JAG2: variants seen among roughly 807,000 people sequenced by gnomAD.
JAG2 encodes the protein jagged canonical Notch ligand 2, also known as protein jagged-2.
In JAG2, 46 loss-of-function variants were observed where a neutral mutation model predicts 141.7. The ratio of observed to expected loss-of-function variants is 0.32; its 90% CI spans 0.26 to 0.42. The LOEUF is 0.42. Ranked by LOEUF, JAG2 falls within the 10% of genes least tolerant of loss-of-function variation. The probability of loss-of-function intolerance (pLI) is 1.00; values close to 1 mark genes in which losing one functional copy is unlikely to be tolerated. For synonymous variants in JAG2, 862 were observed against 763.5 expected (o/e 1.13, Z -2.13); for missense variants, 1,500 against 1,817.5 (o/e 0.83, Z 3.18).
In JAG2 at chr14:105,143,556, C is replaced by T. The variant is rs376433872; in HGVS notation, c.3167G>A (p.Arg1056Gln). ...AGCCAGGAGCAGTGAGCTGTTCCCC[C>T]GCTGGGTGATGGCGGCCACGATGGC... ...AHAIVAAITQ[R>Q]GNSSLLLAVT... Residue 1056 changes from arginine (R) to glutamine (Q), a missense_variant, in exon 25 of 26, where the codon CGG becomes CAG. Coordinates refer to ENST00000331782, the MANE Select transcript of JAG2 (RefSeq NM_002226.5). 5.0e-6 allele frequency: 8 copies of T among 1,599,248 alleles called. No homozygotes were observed. The highest frequency in any genetic ancestry group is 2.3e-5 in the South Asian group (2 of 88,536).
At chr14:105,150,952 G>A in intron 10 of JAG2, 39 bp downstream of exon 10, 1 of 1,594,960 alleles carries the variant, frequency 6.3e-7, no homozygotes, top group Non-Finnish European at 8.5e-7. Context: ...GGTCCCATGT[G>A]CCTCGGCCCA....
chr14:105,152,101 G>A (rs761359388), intron 6 of JAG2, 44 bp from the exon 7 acceptor site: 17 of 1,613,158 alleles, frequency 1.1e-5, no homozygotes, highest in African/African-American at 2.7e-5. Context: ...CCGGCCCCCC[G>A]CTCCCCCACA....
chr14:105,165,869 C>G (rs1202507947), intron 2 of JAG2, among the ~76,000 whole-genome samples: 3 of 152,274 alleles, frequency 2.0e-5, no homozygotes, highest in African/African-American at 7.2e-5. Flanking sequence ...GCCTTCCCAT[C>G]ACAGCCAAGT....
chr14:105,157,636 G>A (rs1027802898), intron 3 of JAG2, 70 bp downstream of exon 3: 9 of 1,340,898 alleles, frequency 6.7e-6, no homozygotes, highest in Non-Finnish European at 8.3e-6. Flanking sequence ...CAAGCAGACA[G>A]AGGAGCTGGG....
At position 105,146,430 on chromosome 14, in the gene JAG2, G is replaced by A. The variant is rs1025801059; in HGVS notation, c.2664C>T (p.Asp888=). 4 of 1,612,632 alleles carry A rather than the reference G, an allele frequency of 2.5e-6. No individual in the cohort carries two copies. In the African/African-American group the frequency reaches 4.0e-5, roughly 16 times the overall value. Residue 888 remains aspartate (D), a synonymous_variant, in exon 22 of 26, where the codon GAC becomes GAT. Coordinates refer to ENST00000331782, the MANE Select transcript of JAG2 (RefSeq NM_002226.5). ...PFPHGSSWVE[D]CNSCRCLDGR... ...CATCCAGGCAGCGGCAGCTGTTGCA[G>A]TCTTCCACCCAGGAGCTTCCGTGTG... is the stretch of plus-strand genomic sequence containing the variant.
At position 105,147,329 on chromosome 14, in the gene JAG2, T is replaced by C. The variant is rs1208822278; in HGVS notation, c.2476A>G (p.Ile826Val). 1.9e-6 allele frequency: 3 copies of C among 1,555,322 alleles called. No homozygotes were observed. Among genetic ancestry groups the C allele is most frequent in the Non-Finnish European group, 1.7e-6 (2 of 1,149,662 alleles). ...APGFAGPDCR[I>V]NIDECQSSPC... Reference sequence around the variant, plus strand: ...CTGGGGCTGTCTGGCCACTCACTGATGCGGCAGTCAGGCCCCGCGAAGCCA... The same window carrying C: ...CTGGGGCTGTCTGGCCACTCACTGACGCGGCAGTCAGGCCCCGCGAAGCCA... Residue 826 changes from isoleucine (I) to valine (V), a missense_variant, in exon 20 of 26, where the codon ATC becomes GTC. This residue lies in a region of JAG2 where 875 missense variants were observed against 1,202.2 expected (regional missense o/e 0.73). Coordinates refer to ENST00000331782, the MANE Select transcript of JAG2 (RefSeq NM_002226.5).
At chr14:105,157,897 C>A (rs1888626894) in intron 2 of JAG2, 134 bp from the exon 3 acceptor site, 1 of 786,758 alleles carries the variant, frequency 1.3e-6, no homozygotes. Context: ...AGCCAGGGAC[C>A]CACCACCCTC....
chr14:105,147,763 C>T lies in JAG2; in HGVS notation c.2365+9G>A. On this transcript the variant is annotated intron_variant, in intron 18 of 25. Coordinates refer to ENST00000331782, the MANE Select transcript of JAG2 (RefSeq NM_002226.5). ...AAGCGGCCCCCGCCCACACCCCTCCCACACTCACTGTGAGTGCAAGTACGA... is the reference window on the plus strand; with the variant it reads ...AAGCGGCCCCCGCCCACACCCCTCCTACACTCACTGTGAGTGCAAGTACGA... The T allele has an allele frequency of 6.5e-7, 1 of 1,530,684 alleles. No homozygotes were observed. The highest frequency in any genetic ancestry group is 8.8e-7 in the Non-Finnish European group (1 of 1,130,576). 94.8% of individuals were successfully genotyped at this position (1,530,684 alleles called of 1,614,324 possible).
At chr14:105,148,535 CA>C in intron 15 of JAG2, 96 bp from the exon 16 acceptor site, 2 of 842,138 alleles carry the variant, frequency 2.4e-6, no homozygotes, top group South Asian at 3.2e-5. Context: ...CAGGTGAGGA[CA>C]GAGAGGGGCG....
chr14:105,144,613 C>T (rs763393461), intron 24 of JAG2, among the ~76,000 whole-genome samples: 6 of 152,220 alleles, frequency 3.9e-5, no homozygotes, highest in Non-Finnish European at 8.8e-5. Flanking sequence ...CCAGGGCAGA[C>T]TAAGCCCACG....
At chr14:105,157,609 A>C in intron 3 of JAG2, 97 bp downstream of exon 3, 1 of 1,172,472 alleles carries the variant, frequency 8.5e-7, no homozygotes, top group Non-Finnish European at 1.2e-6. Context: ...TCCTCAGGGT[A>C]AAGCAAGGCT....
chr14:105,145,915 T>C lies in JAG2; in HGVS notation c.2768A>G (p.Gln923Arg). Residue 923 changes from glutamine to arginine, a missense_variant, in exon 23 of 26, where the codon CAG becomes CGG. By Grantham distance (43) the Gln-to-Arg change is conservative. This residue lies in a region of JAG2 where 875 missense variants were observed against 1,202.2 expected (regional missense o/e 0.73). Transcript: ENST00000331782. ...CAGGCACCTTTGCCCCAGTGGGCACTGGGCGCTCAGGGCCTCGGGCTGGCC... is the reference window on the plus strand; with the variant it reads ...CAGGCACCTTTGCCCCAGTGGGCACCGGGCGCTCAGGGCCTCGGGCTGGCC... The part of the protein sequence containing the change: ...LAGQPEALSA[Q>R]CPLGQRCLEK... 1 of 1,572,604 alleles carries C rather than the reference T, an allele frequency of 6.4e-7. No individual in the cohort carries two copies. Among genetic ancestry groups the C allele is most frequent in the Non-Finnish European group, 8.6e-7 (1 of 1,160,234 alleles).
At position 105,148,143 on chromosome 14, in the gene JAG2, C is replaced by CG. The variant is rs1555369773; in HGVS notation, c.2220dup (p.Gly741ArgfsTer66). 7.7e-6 allele frequency: 12 copies of CG among 1,549,082 alleles called. No individual in the cohort carries two copies. Among genetic ancestry groups the CG allele is most frequent in the Non-Finnish European group, 1.0e-5 (12 of 1,146,262 alleles). On this transcript the variant is annotated frameshift_variant, in exon 17 of 26. Coordinates refer to ENST00000331782, the MANE Select transcript of JAG2 (RefSeq NM_002226.5). LOFTEE classifies it high-confidence loss of function. Reference sequence around the variant, plus strand: ...ACGGCGCAGGTGCTGCCCTTCCAGCCGGGGGGGCAGGCGCAGCGGAAGGTG... The same window carrying CG: ...ACGGCGCAGGTGCTGCCCTTCCAGCCGGGGGGGGCAGGCGCAGCGGAAGGTG...
chr14:105,167,045 T>C lies in JAG2; in HGVS notation c.417+712A>G, dbSNP rs1433871953. 6.6e-6 allele frequency among the ~76,000 whole-genome samples: 1 copy of C among 151,832 alleles called. No individual in the cohort carries two copies. Among genetic ancestry groups the C allele is most frequent in the Admixed American group, 6.6e-5 (1 of 15,256 alleles). On this transcript the variant is annotated intron_variant, in intron 2 of 25. Transcript: ENST00000331782. The surrounding 1 kb of genome is among the most constrained non-coding windows in gnomAD (Gnocchi z 4.8). ...GACACTGGACCCCTACCACCCCTCC[T>C]CCCAGCACGCCCAGGCCAGGGCTCC...
chr14:105,162,150 GGA>G (rs1349387213), intron 2 of JAG2, among the ~76,000 whole-genome samples: 1 of 152,070 alleles, frequency 6.6e-6, no homozygotes, highest in Non-Finnish European at 1.5e-5. Flanking sequence ...CGGCAAGCAG[GGA>G]GAGGAACCCA....
chr14:105,147,643 G>A (rs1295091567), intron 18 of JAG2, 116 bp from the exon 19 acceptor site: 1 of 1,200,100 alleles, frequency 8.3e-7, no homozygotes, highest in Non-Finnish European at 1.2e-6. Flanking sequence ...CATCAAGGAG[G>A]GTGCCTTTTG....
rs1486956931 is a variant in JAG2, at chr14:105,167,195, C to T, written c.417+562G>A. Among the ~76,000 whole-genome samples, 3 of 152,244 alleles carry T rather than the reference C, an allele frequency of 2.0e-5. No homozygotes were observed. Among genetic ancestry groups the T allele is most frequent in the African/African-American group, 7.2e-5 (3 of 41,472 alleles). On this transcript the variant is annotated intron_variant, in intron 2 of 25. Transcript: ENST00000331782. This position sits in a 1 kb window ranked among gnomAD's most constrained non-coding sequence, Gnocchi z 4.8. ...CCACAGAAGGTCACTGCACCAGGAT[C>T]CACTATCTCTGTCTCTGAACGATCT...
rs142284786 is a variant in JAG2 at position 105,145,029 on chromosome 14, G to A, written c.2985C>T (p.Ile995=). Residue 995 remains isoleucine (I), a synonymous_variant, in exon 24 of 26, where the codon ATC becomes ATT. Transcript: ENST00000331782. The part of the protein sequence containing the change: ...GTTVGAICSG[I]RSLPATRAVA... ...CAGCCCTTGTGGCTGGCAGGGAGCGGATCCCGGAGCAAATGGCGCCCACCG... is the reference window on the plus strand; with the variant it reads ...CAGCCCTTGTGGCTGGCAGGGAGCGAATCCCGGAGCAAATGGCGCCCACCG... 2 of 1,610,082 alleles carry A rather than the reference G, an allele frequency of 1.2e-6. No individual in the cohort carries two copies. Among genetic ancestry groups the A allele is most frequent in the Non-Finnish European group, 1.7e-6 (2 of 1,179,788 alleles).
At chr14:105,157,335 C>G (rs587632768) in intron 3 of JAG2, among the ~76,000 whole-genome samples, 2 of 151,968 alleles carry the variant, frequency 1.3e-5, no homozygotes, top group Non-Finnish European at 2.9e-5. Context: ...CTGCAGGGCC[C>G]TGCAGAGCCC....
Sources: allele counts gnomAD v4.1 joint callset (sites outside exome capture counted in the v4.1 genomes callset), GRCh38; gene constraint gnomAD v4.1.1; regional missense constraint gnomAD v4.1.1; non-coding constraint Gnocchi (gnomAD v3.1); transcripts MANE v1.5; gene names NCBI Gene and HGNC (gene_info 2026-07-23, HGNC 2026-07-21).